The following ADGRD1 variants were observed in gnomAD, a reference collection of about 807,000 sequenced individuals.
ADGRD1 encodes the protein G-protein coupled receptor 133.
In ADGRD1, 77 loss-of-function variants were observed where a neutral mutation model predicts 113.4. That is an observed-to-expected ratio of 0.68 (90% confidence interval 0.57 to 0.82). ADGRD1 has a LOEUF of 0.82. ADGRD1 is among the 40% of genes least tolerant of loss of function. ADGRD1 has a pLI of 0.00. For synonymous variants in ADGRD1, 474 were observed against 475.0 expected, an observed-to-expected ratio of 1.00 and a Z score of 0.03; for missense variants, 1,036 against 1,139.1, an observed-to-expected ratio of 0.91 and a Z score of 1.30.
intron 13 of ADGRD1, among the ~76,000 whole-genome samples, chr12:131,067,218 G>A (rs1224380665): frequency 2.6e-5 from 4 of 152,166 alleles, no homozygotes; most frequent in Admixed American, 6.5e-5. Flanking sequence ...GACATGCTCC[G>A]TTTGGGAGGC....
rs1566127364 is a variant in ADGRD1 at position 131,120,871 on chromosome 12, C to T, written c.2133C>T (p.Gly711=). 12 of 1,614,078 alleles carry T rather than the reference C, an allele frequency of 7.4e-6. No individual in the cohort carries two copies. The highest frequency in any genetic ancestry group is 4.5e-5 in the East Asian group (2 of 44,890). Reference sequence around the variant, plus strand: ...GTTGCTGGCTGTCGTTGGCGAGTGGCGCCATCTGGGCCTTTGTAGCCCCTG... The same window carrying T: ...GTTGCTGGCTGTCGTTGGCGAGTGGTGCCATCTGGGCCTTTGTAGCCCCTG... ...SNNCWLSLAS[G]AIWAFVAPAL... Residue 711 remains glycine (G), a synonymous_variant, in exon 20 of 25, where the codon GGC becomes GGT. Transcript: ENST00000261654.
chr12:130,966,715 G>GACAC lies in ADGRD1; in HGVS notation c.187+171_187+174dup. 1.6e-6 allele frequency: 1 copy of GACAC among 608,542 alleles called. No individual in the cohort carries two copies. The highest frequency in any genetic ancestry group is 2.8e-5 in the East Asian group (1 of 35,982). 37.7% of individuals were successfully genotyped at this position (608,542 alleles called of 1,614,324 possible). ...CCAGGGCCATCGGGGAGCAGATGTGGACACAATCTGCTTTGAAGCCACGGT... is the reference window on the plus strand; with the variant it reads ...CCAGGGCCATCGGGGAGCAGATGTGGACACACACAATCTGCTTTGAAGCCACGGT... On this transcript the variant is annotated intron_variant, in intron 3 of 24. Transcript: ENST00000261654. This position sits in a 1 kb window ranked among gnomAD's most constrained non-coding sequence, Gnocchi z 4.6.
chr12:131,044,184 A>T (rs1882430418), intron 13 of ADGRD1, among the ~76,000 whole-genome samples: 1 of 152,204 alleles, frequency 6.6e-6, no homozygotes, highest in Admixed American at 6.5e-5. Flanking sequence ...GGCAGCTGTG[A>T]AGTCCTAGCT....
At chr12:131,097,271 G>A (rs928836944) in intron 15 of ADGRD1, among the ~76,000 whole-genome samples, 1 of 152,190 alleles carries the variant, frequency 6.6e-6, no homozygotes, top group African/African-American at 2.4e-5. Context: ...AAACAAGAGG[G>A]TGATGGTCCC....
Position 131,105,879 on chromosome 12 carries a change from G to C in ADGRD1, c.1887+14G>C. On this transcript the variant is annotated intron_variant, in intron 17 of 24. Transcript: ENST00000261654. ...GAGCCGGGCACGGTGAGTGGGCGCA[G>C]CTCCGTGTTCCTGCGCTGTCCTTCC... 2 of 1,570,914 alleles carry C rather than the reference G, an allele frequency of 1.3e-6. No homozygotes were observed. The highest frequency in any genetic ancestry group is 8.6e-7 in the Non-Finnish European group (1 of 1,157,066).
intron 12 of ADGRD1, among the ~76,000 whole-genome samples, chr12:131,009,909 T>C (rs1337599741): frequency 3.9e-5 from 6 of 152,226 alleles, no homozygotes; most frequent in Non-Finnish European, 8.8e-5. Flanking sequence ...GCCTATGCGT[T>C]GTACTGTTTT....
Position 131,027,564 on chromosome 12 carries a change from A to G in ADGRD1, c.1473+13224A>G, listed in dbSNP as rs1880109960. The G allele has an allele frequency of 6.6e-6, 1 of 152,152 alleles. No individual in the cohort carries two copies. The allele number at this position is 152,152 out of a possible 1,614,324, so 9.4% of individuals were successfully genotyped here. A position where few individuals can be genotyped will look rare whatever the true frequency, so the allele number is the denominator to read the frequency against. On this transcript the variant is annotated intron_variant, in intron 13 of 24. Coordinates refer to ENST00000261654, the MANE Select transcript of ADGRD1 (RefSeq NM_198827.5). This position sits in a 1 kb window ranked among gnomAD's most constrained non-coding sequence, Gnocchi z 5.1. ...CTGTAGGATGAATTCTCAGAGGTAG[A>G]ATTGCTCTGTTAAATGTCTACACAT... is the stretch of plus-strand genomic sequence containing the variant.
At chr12:130,955,386 G>A (rs958488726) in intron 2 of ADGRD1, among the ~76,000 whole-genome samples, 7 of 152,092 alleles carry the variant, frequency 4.6e-5, no homozygotes, top group Non-Finnish European at 7.4e-5. Flanking sequence ...GTGGGACTCG[G>A]GATAGAGGGC....
chr12:131,074,945 T>C (rs983777340), intron 13 of ADGRD1, among the ~76,000 whole-genome samples: 4 of 152,088 alleles, frequency 2.6e-5, no homozygotes, highest in African/African-American at 7.2e-5. Context: ...GAAGTCAGAG[T>C]GTCAGGACTT....
At chr12:131,077,447 C>A (rs978958522) in intron 14 of ADGRD1, among the ~76,000 whole-genome samples, 1 of 152,218 alleles carries the variant, frequency 6.6e-6, no homozygotes, top group Admixed American at 6.5e-5. Flanking sequence ...TCCCGCCCTC[C>A]TAGCCCCTGC....
intron 13 of ADGRD1, among the ~76,000 whole-genome samples, chr12:131,044,857 A>G (rs1047435339): frequency 3.3e-5 from 5 of 152,242 alleles, no homozygotes; most frequent in Non-Finnish European, 5.9e-5. Context: ...ATGAAACCGA[A>G]ACCCGAAGAG....
intron 13 of ADGRD1, among the ~76,000 whole-genome samples, chr12:131,044,644 A>G (rs987040112): frequency 6.6e-6 from 1 of 152,108 alleles, no homozygotes; most frequent in Non-Finnish European, 1.5e-5. Context: ...CCCTCCCCTG[A>G]GAACCCCGCT....
At chr12:130,997,564 C>T (rs1260066790) in intron 8 of ADGRD1, among the ~76,000 whole-genome samples, 4 of 151,190 alleles carry the variant, frequency 2.6e-5, no homozygotes, top group Admixed American at 6.6e-5. Context: ...ACATCCCAGA[C>T]GGGGCGGCGG....
intron 4 of ADGRD1, among the ~76,000 whole-genome samples, chr12:130,975,533 AC>A (rs1336412386): frequency 1.3e-5 from 2 of 152,210 alleles, no homozygotes; most frequent in Non-Finnish European, 2.9e-5. Context: ...TACTGACTGG[AC>A]ACTCAAGCAT....
rs73468766 is a variant in ADGRD1, at chr12:131,089,461, C to T, written c.1671+4798C>T. Among the ~76,000 whole-genome samples, 372 of 152,346 alleles carry T rather than the reference C, an allele frequency of 2.4e-3. 4 individuals are homozygous for T. The highest frequency in any genetic ancestry group is 8.8e-3 in the African/African-American group (364 of 41,582). On this transcript the variant is annotated intron_variant, in intron 15 of 24. Transcript: ENST00000261654. ...TTGTGGCCTTCACACAGCCGACCAC[C>T]TGGGAGTAAGGGGAAGACAGTAACA... is the stretch of plus-strand genomic sequence containing the variant.
intron 8 of ADGRD1, among the ~76,000 whole-genome samples, chr12:130,997,082 G>A (rs867433986): frequency 0.011 from 1,442 of 132,858 alleles, 31 homozygotes; most frequent in Non-Finnish European, 0.016. Flanking sequence ...CAGTAGGGGC[G>A]GCCGGGCAGA....
rs1266222111 is a variant in ADGRD1 at position 131,004,173 on chromosome 12, C to T, written c.1145-13C>T. 1 of 1,561,732 alleles carries T rather than the reference C, an allele frequency of 6.4e-7. No homozygotes were observed. The highest frequency in any genetic ancestry group is 8.8e-7 in the Non-Finnish European group (1 of 1,132,590). ...CTGACGGGACTTCCGCTCTCTCGCTCCTTCCACCGCAGAGTTTTCCGTGGC... is the reference window on the plus strand; with the variant it reads ...CTGACGGGACTTCCGCTCTCTCGCTTCTTCCACCGCAGAGTTTTCCGTGGC... On this transcript the variant is annotated splice_polypyrimidine_tract_variant and intron_variant, in intron 10 of 24. Coordinates refer to ENST00000261654, the MANE Select transcript of ADGRD1 (RefSeq NM_198827.5).
rs1158378873 is a variant in ADGRD1 at position 131,057,090 on chromosome 12, TAGAG to T, written c.1474-19707_1474-19704del. Among the ~76,000 whole-genome samples, 1 of 152,168 alleles carries T rather than the reference TAGAG, an allele frequency of 6.6e-6. No homozygotes were observed. Among genetic ancestry groups the T allele is most frequent in the African/African-American group, 2.4e-5 (1 of 41,432 alleles). Reference sequence around the variant, plus strand: ...ATGATTAGAGTAACGGGATAAAATTTAGAGAGATGATTTTGTGGCAACGACTTGG... The same window carrying T: ...ATGATTAGAGTAACGGGATAAAATTTAGATGATTTTGTGGCAACGACTTGG... On this transcript the variant is annotated intron_variant, in intron 13 of 24. Coordinates refer to ENST00000261654, the MANE Select transcript of ADGRD1 (RefSeq NM_198827.5). The surrounding 1 kb of genome is among the most constrained non-coding windows in gnomAD (Gnocchi z 4.2).
At chr12:131,097,723 C>T (rs940344283) in intron 15 of ADGRD1, among the ~76,000 whole-genome samples, 3 of 152,170 alleles carry the variant, frequency 2.0e-5, no homozygotes, top group Non-Finnish European at 4.4e-5. Flanking sequence ...ATGCCAGCCG[C>T]GGAGAGACCA....
Sources: allele counts gnomAD v4.1 joint callset (sites outside exome capture counted in the v4.1 genomes callset), GRCh38; gene constraint gnomAD v4.1.1; non-coding constraint Gnocchi (gnomAD v3.1); transcripts MANE v1.5; gene names NCBI Gene and HGNC (gene_info 2026-07-23, HGNC 2026-07-21).